The following KIRREL3 variants were observed in gnomAD, a reference collection of about 807,000 sequenced individuals.
KIRREL3 encodes kirre like nephrin family adhesion molecule 3, also known as kin of IRRE-like protein 3.
Under a neutral mutation model 89.7 loss-of-function variants are expected in KIRREL3, and 36 were observed. The observed-to-expected ratio is 0.40, with a 90% confidence interval of 0.31 to 0.53. The LOEUF is 0.53. KIRREL3 is among the 20% of genes least tolerant of loss of function. The probability of loss-of-function intolerance (pLI) is 0.49; values close to 1 mark genes in which losing one functional copy is unlikely to be tolerated. For missense variants in KIRREL3, 864 were observed against 1,056.6 expected, an observed-to-expected ratio of 0.82 and a Z score of 2.53; for synonymous variants, 445 against 441.4, an observed-to-expected ratio of 1.01 and a Z score of -0.10.
In KIRREL3 at chr11:126,429,147, C is replaced by T. The variant is rs777129407; in HGVS notation, c.1806+32G>A. ...CCAGGACCTTCTGGGAATGGAGTCA[C>T]GGGATGGGATGGGGCGTAATTGCAT... On this transcript the variant is annotated intron_variant, in intron 15 of 16. Transcript: ENST00000525144. This position sits in a 1 kb window ranked among gnomAD's most constrained non-coding sequence, Gnocchi z 5.2. 1.5e-5 allele frequency: 21 copies of T among 1,394,198 alleles called. No homozygotes were observed. Among genetic ancestry groups the T allele is most frequent in the Admixed American group, 3.4e-5 (2 of 58,126 alleles). 86.4% of individuals were successfully genotyped at this position (1,394,198 alleles called of 1,614,324 possible).
Position 126,612,863 on chromosome 11 carries a change from C to T in KIRREL3, c.56-49951G>A, listed in dbSNP as rs905588810. On this transcript the variant is annotated intron_variant, in intron 1 of 16. Transcript: ENST00000525144. This position sits in a 1 kb window ranked among gnomAD's most constrained non-coding sequence, Gnocchi z 4.5. ...TAACATTCCATGGCATAGCTATAAGCGCATTTTGTCCATTCATCATCTGCT... is the reference window on the plus strand; with the variant it reads ...TAACATTCCATGGCATAGCTATAAGTGCATTTTGTCCATTCATCATCTGCT... Among the ~76,000 whole-genome samples, 15 of 152,148 alleles carry T rather than the reference C, an allele frequency of 9.9e-5. No homozygotes were observed. Among genetic ancestry groups the T allele is most frequent in the Admixed American group, 2.0e-4 (3 of 15,270 alleles).
At chr11:126,450,223 G>A (rs1403866626) in intron 7 of KIRREL3, among the ~76,000 whole-genome samples, 1 of 152,020 alleles carries the variant, frequency 6.6e-6, no homozygotes, top group East Asian at 1.9e-4. Flanking sequence ...GCATGTATGT[G>A]TGCACGTGTG....
intron 1 of KIRREL3, among the ~76,000 whole-genome samples, chr11:126,712,474 G>T (rs1163195818): frequency 6.6e-6 from 1 of 152,156 alleles, no homozygotes; most frequent in Non-Finnish European, 1.5e-5. Flanking sequence ...GCTCCACCTC[G>T]CCCGTCCTTG....
In KIRREL3 at chr11:126,441,337, G is replaced by C. The variant is rs1955555309; in HGVS notation, c.1253-788C>G. On this transcript the variant is annotated intron_variant, in intron 10 of 16. Transcript: ENST00000525144. The surrounding 1 kb of genome is among the most constrained non-coding windows in gnomAD (Gnocchi z 5.0). Reference sequence around the variant, plus strand: ...CTCATTCACCACATTGCACAGCCAAGAGAGTTCACCTGGTGGAGGGGAGCC... The same window carrying C: ...CTCATTCACCACATTGCACAGCCAACAGAGTTCACCTGGTGGAGGGGAGCC... Among the ~76,000 whole-genome samples the C allele has an allele frequency of 6.6e-6, 1 of 152,234 alleles. No homozygotes were observed. The highest frequency in any genetic ancestry group is 2.1e-4 in the South Asian group (1 of 4,836).
rs1951406309 is a variant in KIRREL3 at position 126,812,003 on chromosome 11, A to G, written c.55+188452T>C. Among the ~76,000 whole-genome samples, 2 of 152,168 alleles carry G rather than the reference A, an allele frequency of 1.3e-5. No individual in the cohort carries two copies. The highest frequency in any genetic ancestry group is 2.1e-4 in the South Asian group (1 of 4,826). On this transcript the variant is annotated intron_variant, in intron 1 of 16. Transcript: ENST00000525144. The surrounding 1 kb of genome is among the most constrained non-coding windows in gnomAD (Gnocchi z 5.2). Reference sequence around the variant, plus strand: ...CAGCACTGGTATTGACATACTGCAGACCTTCTATTGTTGGTGGCAAATATG... The same window carrying G: ...CAGCACTGGTATTGACATACTGCAGGCCTTCTATTGTTGGTGGCAAATATG...
rs375903750 is a variant in KIRREL3 at position 126,984,717 on chromosome 11, GCA to G, written c.55+15736_55+15737del. On this transcript the variant is annotated intron_variant, in intron 1 of 16. Transcript: ENST00000525144. ...ACCAGGAACTTTGTCCAAGCTCCCC[GCA>G]CAAATTGCTCTCCTGCCTCTCAATG... Among the ~76,000 whole-genome samples the G allele has an allele frequency of 1.2e-4, 19 of 152,224 alleles. No individual in the cohort carries two copies. The East Asian group carries it at 3.3e-3, about 26-fold the overall frequency.
At chr11:126,880,614 T>A (rs1165440560) in intron 1 of KIRREL3, among the ~76,000 whole-genome samples, 1 of 151,066 alleles carries the variant, frequency 6.6e-6, no homozygotes, top group Non-Finnish European at 1.5e-5. Flanking sequence ...ATATCCTATT[T>A]TTCCTTGTTG....
At chr11:126,958,145 G>C (rs376018944) in intron 1 of KIRREL3, among the ~76,000 whole-genome samples, 1 of 152,170 alleles carries the variant, frequency 6.6e-6, no homozygotes, top group African/African-American at 2.4e-5. Context: ...CTCAACAAAT[G>C]TTAACTGATT....
At position 126,558,140 on chromosome 11, in the gene KIRREL3, C is replaced by T. The variant is rs1188140187; in HGVS notation, c.133+4695G>A. ...GGAGGAGTACCCTCCTGTGCAGGCC[C>T]CCCTCTGCCCCAAGGGGATGGCTGA... is the stretch of plus-strand genomic sequence containing the variant. On this transcript the variant is annotated intron_variant, in intron 2 of 16. Transcript: ENST00000525144. This position sits in a 1 kb window ranked among gnomAD's most constrained non-coding sequence, Gnocchi z 4.0. 2.0e-5 allele frequency among the ~76,000 whole-genome samples: 3 copies of T among 152,176 alleles called. No homozygotes were observed. The highest frequency in any genetic ancestry group is 4.4e-5 in the Non-Finnish European group (3 of 68,030).
intron 1 of KIRREL3, among the ~76,000 whole-genome samples, chr11:126,746,124 G>A (rs1196738688): frequency 6.6e-6 from 1 of 152,092 alleles, no homozygotes; most frequent in Non-Finnish European, 1.5e-5. Flanking sequence ...TGGTCCCTGA[G>A]GGTCCATAGA....
intron 7 of KIRREL3, among the ~76,000 whole-genome samples, chr11:126,451,205 G>A (rs544830087): frequency 1.3e-5 from 2 of 150,676 alleles, no homozygotes; most frequent in South Asian, 2.1e-4. Context: ...GTGTGCATGT[G>A]TGTGCATGTG....
At chr11:126,873,622 A>G (rs1417992271) in intron 1 of KIRREL3, among the ~76,000 whole-genome samples, 1 of 152,156 alleles carries the variant, frequency 6.6e-6, no homozygotes, top group African/African-American at 2.4e-5. Context: ...ATTATTTTTC[A>G]ATGTATTAAA....
chr11:126,736,977 C>A lies in KIRREL3; in HGVS notation c.56-174065G>T, dbSNP rs1277261886. Among the ~76,000 whole-genome samples the A allele has an allele frequency of 1.3e-5, 2 of 152,200 alleles. No homozygotes were observed. Among genetic ancestry groups the A allele is most frequent in the Non-Finnish European group, 2.9e-5 (2 of 68,036 alleles). ...ATTGGTTACATCAGAAAACTTTATTCTCAGGGGCAGTGCCCTTATTTAGAT... is the reference window on the plus strand; with the variant it reads ...ATTGGTTACATCAGAAAACTTTATTATCAGGGGCAGTGCCCTTATTTAGAT... On this transcript the variant is annotated intron_variant, in intron 1 of 16. Transcript: ENST00000525144. This position sits in a 1 kb window ranked among gnomAD's most constrained non-coding sequence, Gnocchi z 5.0.
In KIRREL3 at chr11:126,876,758, T is replaced by C. The variant is rs941346564; in HGVS notation, c.55+123697A>G. On this transcript the variant is annotated intron_variant, in intron 1 of 16. Coordinates refer to ENST00000525144, the MANE Select transcript of KIRREL3 (RefSeq NM_032531.4). This position sits in a 1 kb window ranked among gnomAD's most constrained non-coding sequence, Gnocchi z 4.1. ...TTTCACCATGTTGGCCAGGCTGGTT[T>C]TGAACTCATGACCTGATCTGCCCGC... is the stretch of plus-strand genomic sequence containing the variant. 1.3e-5 allele frequency among the ~76,000 whole-genome samples: 2 copies of C among 152,124 alleles called. No homozygotes were observed. Among genetic ancestry groups the C allele is most frequent in the African/African-American group, 4.8e-5 (2 of 41,410 alleles).
At chr11:126,464,571 G>A (rs140646646) in intron 5 of KIRREL3, among the ~76,000 whole-genome samples, 1 of 151,054 alleles carries the variant, frequency 6.6e-6, no homozygotes, top group African/African-American at 2.4e-5. Flanking sequence ...AGAAGGAGAA[G>A]GATAAAGAGA....
At chr11:126,941,272 C>T (rs1264056957) in intron 1 of KIRREL3, among the ~76,000 whole-genome samples, 1 of 150,608 alleles carries the variant, frequency 6.6e-6, no homozygotes, top group Non-Finnish European at 1.5e-5. Flanking sequence ...AACAAAAAAC[C>T]CTCCATTGTC....
rs1333258376 is a variant in KIRREL3, at chr11:126,715,917, C to G, written c.56-153005G>C. On this transcript the variant is annotated intron_variant, in intron 1 of 16. Coordinates refer to ENST00000525144, the MANE Select transcript of KIRREL3 (RefSeq NM_032531.4). The surrounding 1 kb of genome is among the most constrained non-coding windows in gnomAD (Gnocchi z 4.4). Reference sequence around the variant, plus strand: ...TTATTGACTAGTGGAAAAATGGCTCCTCTCTGACTTAGCACAGGATGCAAT... The same window carrying G: ...TTATTGACTAGTGGAAAAATGGCTCGTCTCTGACTTAGCACAGGATGCAAT... Among the ~76,000 whole-genome samples, 1 of 152,156 alleles carries G rather than the reference C, an allele frequency of 6.6e-6. No homozygotes were observed. The highest frequency in any genetic ancestry group is 1.5e-5 in the Non-Finnish European group (1 of 68,038).
chr11:126,923,693 C>T (rs1328380429), intron 1 of KIRREL3, among the ~76,000 whole-genome samples: 1 of 152,094 alleles, frequency 6.6e-6, no homozygotes, highest in East Asian at 1.9e-4. Context: ...ATCCACCCAC[C>T]TCGGCCTCCC....
At chr11:126,445,501 C>T (rs1318265304) in intron 9 of KIRREL3, among the ~76,000 whole-genome samples, 1 of 152,196 alleles carries the variant, frequency 6.6e-6, no homozygotes, top group Non-Finnish European at 1.5e-5. Context: ...CATGATCCTA[C>T]AGCTGAACTT....
Sources: gnomAD v4.1 joint callset for allele counts (sites outside exome capture counted in the v4.1 genomes callset) on GRCh38, gnomAD v4.1.1 for gene constraint, Gnocchi (gnomAD v3.1) non-coding constraint, MANE v1.5 for transcripts, NCBI Gene and HGNC (gene_info 2026-07-23, HGNC 2026-07-21) for gene names.